The following FCHSD2 variants were observed in gnomAD, a reference collection of about 807,000 sequenced individuals.
FCHSD2 encodes FCH and double SH3 domains 2.
In FCHSD2, 38 loss-of-function variants were observed where a neutral mutation model predicts 108.1. The observed-to-expected ratio is 0.35, with a 90% CI of 0.27 to 0.46. The LOEUF is 0.46. Ranked by LOEUF, FCHSD2 falls within the 20% of genes least tolerant of loss-of-function variation. The pLI is 1.00. For synonymous variants in FCHSD2, 279 were observed against 314.7 expected (o/e 0.89, Z 1.20); for missense variants, 751 against 897.8 (o/e 0.84, Z 2.09).
chr11:73,054,860 T>C (rs1858986228), intron 3 of FCHSD2, among the ~76,000 whole-genome samples: 1 of 152,108 alleles, frequency 6.6e-6, no homozygotes, highest in African/African-American at 2.4e-5. Flanking sequence ...TCTCAGCTAC[T>C]GGGGAGGCAG....
chr11:72,947,061 A>G (rs1856534601), intron 8 of FCHSD2, among the ~76,000 whole-genome samples: 1 of 152,194 alleles, frequency 6.6e-6, no homozygotes, highest in African/African-American at 2.4e-5. Context: ...GTCCAAGAAA[A>G]TGAGACTCAC....
chr11:72,842,854 A>G lies in FCHSD2; in HGVS notation c.1706-13T>C. The G allele has an allele frequency of 6.2e-7, 1 of 1,602,814 alleles. No individual in the cohort carries two copies. The highest frequency in any genetic ancestry group is 1.1e-5 in the South Asian group (1 of 90,694). ...TTCACAAAACATACTAGGGAGCAAG[A>G]GAAAAACAAATCTGGTAAGATAATT... is the stretch of plus-strand genomic sequence containing the variant. On this transcript the variant is annotated splice_polypyrimidine_tract_variant and intron_variant, in intron 16 of 19. Transcript: ENST00000409418.
chr11:72,907,886 C>T lies in FCHSD2; in HGVS notation c.829-5248G>A, dbSNP rs1043891000. ...GGGATTACAGGCGTGAGCCACCATG[C>T]CTGGCTGGTTTTGTTATTTTTAAAT... is the stretch of plus-strand genomic sequence containing the variant. On this transcript the variant is annotated intron_variant, in intron 9 of 19. Coordinates refer to ENST00000409418, the MANE Select transcript of FCHSD2 (RefSeq NM_014824.3). Among the ~76,000 whole-genome samples the T allele has an allele frequency of 2.0e-5, 3 of 152,204 alleles. No individual in the cohort carries two copies. The South Asian group carries it at 6.2e-4, about 32-fold the overall frequency.
At position 72,990,979 on chromosome 11, in the gene FCHSD2, A is replaced by G. The variant is rs565148324; in HGVS notation, c.388-1882T>C. 2.0e-5 allele frequency among the ~76,000 whole-genome samples: 3 copies of G among 152,304 alleles called. No homozygotes were observed. In the South Asian group the frequency reaches 6.2e-4, roughly 32 times the overall value. On this transcript the variant is annotated intron_variant, in intron 5 of 19. Transcript: ENST00000409418. Reference sequence around the variant, plus strand: ...TAGACTACTAGCAAGACTAATAAAGAAGAAAAGAGAGAAGAATCAAACAGA... The same window carrying G: ...TAGACTACTAGCAAGACTAATAAAGGAGAAAAGAGAGAAGAATCAAACAGA...
chr11:73,072,198 C>G (rs1859453267), intron 3 of FCHSD2, among the ~76,000 whole-genome samples: 1 of 150,906 alleles, frequency 6.6e-6, no homozygotes, highest in South Asian at 2.1e-4. Flanking sequence ...TTATCCTGGC[C>G]TAACCACTAA....
At chr11:72,961,429 GTTGTTT>G (rs1360238555) in intron 8 of FCHSD2, among the ~76,000 whole-genome samples, 3 of 142,462 alleles carry the variant, frequency 2.1e-5, no homozygotes, top group Non-Finnish European at 3.2e-5. Context: ...TGTTGTTGTT[GTTGTTT>G]TTAATAGATG....
intron 4 of FCHSD2, among the ~76,000 whole-genome samples, chr11:73,009,849 T>TA (rs1857823871): frequency 6.6e-6 from 1 of 152,326 alleles, no homozygotes; most frequent in South Asian, 2.1e-4. Flanking sequence ...TCTTTGATGT[T>TA]AGATAGTTTG....
At chr11:72,940,296 G>A (rs1017024864) in intron 8 of FCHSD2, among the ~76,000 whole-genome samples, 2 of 152,150 alleles carry the variant, frequency 1.3e-5, no homozygotes, top group East Asian at 3.8e-4. Context: ...ATACTGAAGG[G>A]CCTTTTACAA....
chr11:72,853,084 C>A (rs1273217727), intron 13 of FCHSD2, among the ~76,000 whole-genome samples: 1 of 152,066 alleles, frequency 6.6e-6, no homozygotes, highest in Non-Finnish European at 1.5e-5. Flanking sequence ...TAAAACAAAC[C>A]CCCATGACAC....
At chr11:72,860,688 T>C (rs566669736) in intron 13 of FCHSD2, among the ~76,000 whole-genome samples, 16 of 151,936 alleles carry the variant, frequency 1.1e-4, no homozygotes, top group African/African-American at 3.6e-4. Flanking sequence ...CTACTAAATA[T>C]ACAAAATTTA....
intron 3 of FCHSD2, among the ~76,000 whole-genome samples, chr11:73,074,669 A>T (rs1207833904): frequency 6.6e-6 from 1 of 152,186 alleles, no homozygotes; most frequent in Non-Finnish European, 1.5e-5. Context: ...AAAAGCTATC[A>T]AACAAAACAT....
chr11:72,869,264 G>A (rs188165197), intron 12 of FCHSD2, among the ~76,000 whole-genome samples: 1 of 152,156 alleles, frequency 6.6e-6, no homozygotes, highest in Admixed American at 6.5e-5. Context: ...AGGAAATCAA[G>A]GCTTTTTTCC....
chr11:73,017,767 C>T (rs1475587607), intron 3 of FCHSD2, among the ~76,000 whole-genome samples: 1 of 152,210 alleles, frequency 6.6e-6, no homozygotes, highest in Non-Finnish European at 1.5e-5. Context: ...CCTATTCCTA[C>T]TTGCTAAATT....
At chr11:73,090,677 G>GTAT (rs1466865914) in intron 2 of FCHSD2, among the ~76,000 whole-genome samples, 1 of 152,194 alleles carries the variant, frequency 6.6e-6, no homozygotes, top group East Asian at 1.9e-4. Context: ...GAAACTGGCA[G>GTAT]TATTAGTAGA....
intron 2 of FCHSD2, among the ~76,000 whole-genome samples, chr11:73,122,657 A>G (rs1295634512): frequency 6.6e-6 from 1 of 152,242 alleles, no homozygotes; most frequent in African/African-American, 2.4e-5. Flanking sequence ...GAATTAATAC[A>G]GTCCAATGAA....
chr11:72,924,993 C>G (rs772855211), intron 8 of FCHSD2, among the ~76,000 whole-genome samples: 5 of 151,886 alleles, frequency 3.3e-5, no homozygotes, highest in Non-Finnish European at 7.4e-5. Flanking sequence ...AACATGATTA[C>G]ATTTTGGCAG....
chr11:73,076,446 G>A (rs1401573828), intron 3 of FCHSD2, among the ~76,000 whole-genome samples: 2 of 152,200 alleles, frequency 1.3e-5, no homozygotes, highest in African/African-American at 2.4e-5. Flanking sequence ...GACAAGAAAG[G>A]AGACATACCA....
At chr11:73,020,851 G>A (rs553759669) in intron 3 of FCHSD2, among the ~76,000 whole-genome samples, 2 of 151,726 alleles carry the variant, frequency 1.3e-5, no homozygotes, top group South Asian at 2.1e-4. Flanking sequence ...TTTAAATTAA[G>A]TATATATAAG....
chr11:73,045,689 A>G (rs1460449588), intron 3 of FCHSD2, among the ~76,000 whole-genome samples: 5 of 150,730 alleles, frequency 3.3e-5, no homozygotes, highest in Non-Finnish European at 7.4e-5. Context: ...AACACCGCAT[A>G]TTCTCACTCA....
Sources: allele counts gnomAD v4.1 joint callset (sites outside exome capture counted in the v4.1 genomes callset), GRCh38; gene constraint gnomAD v4.1.1; transcripts MANE v1.5; gene names NCBI Gene and HGNC (gene_info 2026-07-23, HGNC 2026-07-21).